The following MND1 variants were observed in gnomAD, a reference collection of about 807,000 sequenced individuals.
MND1 encodes the protein meiotic nuclear division protein 1 homolog.
A neutral mutation model predicts 35.1 loss-of-function variants in MND1; 28 were observed. The ratio of observed to expected loss-of-function variants is 0.80; its 90% confidence interval spans 0.59 to 1.09. MND1 has a LOEUF of 1.09. Ranked by LOEUF, MND1 falls within the 50% of genes least tolerant of loss-of-function variation. MND1 has a pLI of 0.00. For synonymous variants in MND1, 69 were observed against 70.5 expected, an observed-to-expected ratio of 0.98 and a Z score of 0.11; for missense variants, 213 against 239.6, an observed-to-expected ratio of 0.89 and a Z score of 0.73.
intron 7 of MND1, among the ~76,000 whole-genome samples, chr4:153,410,557 G>C (rs145090851): frequency 5.3e-4 from 80 of 152,286 alleles, no homozygotes; most frequent in African/African-American, 1.9e-3. Flanking sequence ...GAATTAGGTA[G>C]ATTGGTAAAA....
chr4:153,367,390 T>C (rs1217262710), intron 4 of MND1, among the ~76,000 whole-genome samples: 1 of 152,246 alleles, frequency 6.6e-6, no homozygotes, highest in Non-Finnish European at 1.5e-5. Flanking sequence ...ACATTCTATA[T>C]GAATGGAATC....
chr4:153,345,955 C>T (rs1408904918), intron 1 of MND1, among the ~76,000 whole-genome samples: 1 of 146,204 alleles, frequency 6.8e-6, no homozygotes. Context: ...TGTCCTTTTA[C>T]CTAATCTATC....
Position 153,358,097 on chromosome 4 carries a change from A to G in MND1, c.128-377A>G, listed in dbSNP as rs79463889. 9.3e-3 allele frequency among the ~76,000 whole-genome samples: 1,416 copies of G among 152,306 alleles called. 84 individuals carry two copies. Among genetic ancestry groups the G allele is most frequent in the Admixed American group, 0.078 (1,197 of 15,296 alleles). On this transcript the variant is annotated intron_variant, in intron 3 of 7. Transcript: ENST00000240488. ...GTAACATTTTATTGACATTACTGCT[A>G]TGCACCAAAGTAAGTATGGAAATGA...
chr4:153,379,792 G>T (rs1388091913), intron 4 of MND1, among the ~76,000 whole-genome samples: 4 of 141,624 alleles, frequency 2.8e-5, no homozygotes, highest in African/African-American at 1.1e-4. Context: ...AGAGGTTGCA[G>T]TGAGCCGAGA....
chr4:153,378,394 A>G (rs941105040), intron 4 of MND1, among the ~76,000 whole-genome samples: 2 of 152,194 alleles, frequency 1.3e-5, no homozygotes, highest in Non-Finnish European at 2.9e-5. Context: ...GCTCAGCATT[A>G]CCCAAAGTAA....
chr4:153,414,252 A>G (rs1367719809), intron 7 of MND1, among the ~76,000 whole-genome samples: 1 of 151,552 alleles, frequency 6.6e-6, no homozygotes, highest in Admixed American at 6.6e-5. Context: ...TAAATATGAG[A>G]TCTATTAACT....
At chr4:153,361,802 C>T (rs1281391719) in intron 4 of MND1, among the ~76,000 whole-genome samples, 1 of 151,536 alleles carries the variant, frequency 6.6e-6, no homozygotes, top group Non-Finnish European at 1.5e-5. Context: ...CGCGCCACTG[C>T]ACTCCAGGCT....
intron 4 of MND1, among the ~76,000 whole-genome samples, chr4:153,372,746 T>C (rs1773822337): frequency 2.0e-5 from 3 of 152,202 alleles, no homozygotes; most frequent in Non-Finnish European, 4.4e-5. Context: ...CCCAGCTTCT[T>C]TTACTCAATA....
At chr4:153,345,399 C>G (rs1313364528) in intron 1 of MND1, 1 of 985,410 alleles carries the variant, frequency 1.0e-6, no homozygotes, top group Non-Finnish European at 1.2e-6. Flanking sequence ...GGGCAGGAGT[C>G]GCTGCTCTTG....
At chr4:153,412,556 C>T (rs1472411399) in intron 7 of MND1, among the ~76,000 whole-genome samples, 2 of 150,478 alleles carry the variant, frequency 1.3e-5, no homozygotes, top group Non-Finnish European at 2.9e-5. Flanking sequence ...AATCTCAGCT[C>T]ATCGCAACCT....
intron 4 of MND1, among the ~76,000 whole-genome samples, chr4:153,385,273 C>T (rs979915549): frequency 6.6e-6 from 1 of 152,152 alleles, no homozygotes; most frequent in Non-Finnish European, 1.5e-5. Flanking sequence ...TTTTCACAAC[C>T]TTCATAGTTG....
chr4:153,392,168 C>T (rs1729064585), intron 4 of MND1, among the ~76,000 whole-genome samples: 1 of 151,354 alleles, frequency 6.6e-6, no homozygotes, highest in Non-Finnish European at 1.5e-5. Context: ...GTGGCGCGAT[C>T]TCGGCTCACT....
At chr4:153,347,770 ATTT>A (rs1412326506) in intron 1 of MND1, among the ~76,000 whole-genome samples, 1 of 151,962 alleles carries the variant, frequency 6.6e-6, no homozygotes, top group East Asian at 1.9e-4. Context: ...GTGGAGGAAC[ATTT>A]TTTTTAAGGA....
intron 7 of MND1, among the ~76,000 whole-genome samples, chr4:153,409,487 A>G (rs1266775650): frequency 2.0e-5 from 3 of 152,130 alleles, no homozygotes; most frequent in Non-Finnish European, 4.4e-5. Context: ...TATGATTATT[A>G]TCCCTAATTT....
chr4:153,390,343 C>T (rs1338955471), intron 4 of MND1, among the ~76,000 whole-genome samples: 1 of 152,106 alleles, frequency 6.6e-6, no homozygotes, highest in African/African-American at 2.4e-5. Flanking sequence ...GAAGCTTTTC[C>T]TTTAATAACA....
At chr4:153,409,889 T>A (rs1729633260) in intron 7 of MND1, among the ~76,000 whole-genome samples, 1 of 152,124 alleles carries the variant, frequency 6.6e-6, no homozygotes. Context: ...CCACAAAGTA[T>A]AAATAAATGT....
chr4:153,352,869 G>A (rs1005553828), intron 2 of MND1, among the ~76,000 whole-genome samples: 3 of 151,756 alleles, frequency 2.0e-5, no homozygotes, highest in Admixed American at 6.6e-5. Context: ...GCTTAATGCT[G>A]GGGAGTCTAA....
chr4:153,348,530 C>G (rs898022823), intron 1 of MND1, among the ~76,000 whole-genome samples: 6 of 152,152 alleles, frequency 3.9e-5, no homozygotes, highest in Admixed American at 2.0e-4. Context: ...AGCAGAAAAA[C>G]AGTGTTTGAA....
chr4:153,387,357 A>G (rs1358792940), intron 4 of MND1, among the ~76,000 whole-genome samples: 1 of 152,050 alleles, frequency 6.6e-6, no homozygotes, highest in East Asian at 1.9e-4. Flanking sequence ...AGACAGGTAT[A>G]TTGCTCCCAT....
Sources: allele counts gnomAD v4.1 joint callset (sites outside exome capture counted in the v4.1 genomes callset), GRCh38; gene constraint gnomAD v4.1.1; transcripts MANE v1.5; gene names NCBI Gene and HGNC (gene_info 2026-07-23, HGNC 2026-07-21).